The following TMC2 variants were observed in gnomAD, a reference collection of about 807,000 sequenced individuals.
TMC2 encodes the protein transmembrane channel like 2.
Under a neutral mutation model 105.9 loss-of-function variants are expected in TMC2, and 102 were observed. The observed-to-expected ratio is 0.96, with a 90% confidence interval of 0.82 to 1.14. The LOEUF is 1.14. Among genes scored for constraint, TMC2 ranks in the 50% most tolerant of loss-of-function variants. The pLI, the probability that TMC2 is intolerant of heterozygous loss-of-function variation, is 0.00. For missense variants in TMC2, 1,093 were observed against 1,134.3 expected, an observed-to-expected ratio of 0.96 and a Z score of 0.52; for synonymous variants, 402 against 422.8, an observed-to-expected ratio of 0.95 and a Z score of 0.60.
intron 5 of TMC2, among the ~76,000 whole-genome samples, chr20:2,576,879 T>G (rs535091851): frequency 1.3e-4 from 20 of 151,018 alleles, no homozygotes; most frequent in Admixed American, 1.3e-3. Flanking sequence ...AGAGTATTTT[T>G]GGGTTTGGGG....
intron 18 of TMC2, among the ~76,000 whole-genome samples, chr20:2,636,468 A>ACACG (rs2086644511): frequency 6.7e-6 from 1 of 148,258 alleles, no homozygotes; most frequent in African/African-American, 2.6e-5. Flanking sequence ...CTACACACAC[A>ACACG]CACACACACA....
At position 2,572,851 on chromosome 20, in the gene TMC2, C is replaced by T. The variant is rs73583388; in HGVS notation, c.645+582C>T. ...TTTCAGGGCTTTTATTCTGAACAAT[C>T]ATTTGATGTCATTACCTCAATGACA... On this transcript the variant is annotated intron_variant, in intron 5 of 19. Transcript: ENST00000358864. Among the ~76,000 whole-genome samples the T allele has an allele frequency of 4.4e-3, 663 of 152,212 alleles. 7 individuals are homozygous for T. The highest frequency in any genetic ancestry group is 0.015 in the African/African-American group (628 of 41,548).
In TMC2 at chr20:2,558,518, A is replaced by G; in HGVS notation, c.145A>G (p.Arg49Gly). The G allele has an allele frequency of 6.4e-7, 1 of 1,556,662 alleles. No homozygotes were observed. The highest frequency in any genetic ancestry group is 8.7e-7 in the Non-Finnish European group (1 of 1,150,228). The change falls in exon 3 of 20, where the codon AGG (arginine) becomes GGG (glycine). Residue 49 changes from arginine (R) to glycine (G), a missense_variant. Transcript: ENST00000358864. The surrounding 1 kb of genome is among the most constrained non-coding windows in gnomAD (Gnocchi z 4.6). ...RALKAEGTPGRRGAQRSQKER... is the reference protein window; with the variant it reads ...RALKAEGTPGGRGAQRSQKER... The stretch of plus-strand genomic sequence containing the variant: ...TCTCAAAGCCGAGGGGACCCCAGGC[A>G]GGCGCGGAGCTCAGCGAAGCCAGAA...
intron 10 of TMC2, among the ~76,000 whole-genome samples, chr20:2,600,815 C>G (rs2086345568): frequency 6.7e-6 from 1 of 148,924 alleles, no homozygotes; most frequent in African/African-American, 2.5e-5. Flanking sequence ...CAGAGCAAGA[C>G]TCGGTCTCAA....
chr20:2,597,353 T>C, intron 10 of TMC2, 55 bp downstream of exon 10: 1 of 1,539,396 alleles, frequency 6.5e-7, no homozygotes, highest in South Asian at 1.2e-5. Flanking sequence ...CCTCTGGTCA[T>C]TGAGAGACTT....
chr20:2,638,356 C>CAAAA (rs58078004), intron 19 of TMC2, among the ~76,000 whole-genome samples: 203 of 142,576 alleles, frequency 1.4e-3, no homozygotes, highest in Admixed American at 2.1e-3. Flanking sequence ...GACTCCATCT[C>CAAAA]AAAAAAAAAA....
chr20:2,596,651 G>T (rs2086308954), intron 9 of TMC2, among the ~76,000 whole-genome samples: 1 of 142,196 alleles, frequency 7.0e-6, no homozygotes, highest in Non-Finnish European at 1.6e-5. Flanking sequence ...AAAAAAAAAA[G>T]TAGCACAACA....
Position 2,641,285 on chromosome 20 carries a change from C to A in TMC2, c.2655C>A (p.His885Gln). 2 of 1,614,130 alleles carry A rather than the reference C, an allele frequency of 1.2e-6. No homozygotes were observed. Among genetic ancestry groups the A allele is most frequent in the South Asian group, 2.2e-5 (2 of 91,086 alleles). Reference sequence around the variant, plus strand: ...CTGGAATCGGACCAGATTCTGGCCACGCCCCATCTCAGACTCATCCGTGGA... The same window carrying A: ...CTGGAATCGGACCAGATTCTGGCCAAGCCCCATCTCAGACTCATCCGTGGA... ...RPPGIGPDSGHAPSQTHPWRS... is the reference protein window; with the variant it reads ...RPPGIGPDSGQAPSQTHPWRS... The change falls in exon 20 of 20, where the codon CAC becomes CAA. Residue 885 changes from histidine (H) to glutamine (Q), a missense_variant. Transcript: ENST00000358864.
chr20:2,553,059 A>T (rs374810500), intron 2 of TMC2, among the ~76,000 whole-genome samples: 12 of 151,232 alleles, frequency 7.9e-5, no homozygotes, highest in South Asian at 6.2e-4. Context: ...AGACAGTTTT[A>T]TTTTTTTGTT....
chr20:2,583,153 T>G (rs974650204), intron 7 of TMC2, among the ~76,000 whole-genome samples: 1 of 152,218 alleles, frequency 6.6e-6, no homozygotes, highest in Non-Finnish European at 1.5e-5. Context: ...CAGATTTCTA[T>G]GATAACCTCC....
rs59064634 is a variant in TMC2, at chr20:2,537,998, G to A, written c.82+682G>A. 7.2e-4 allele frequency among the ~76,000 whole-genome samples: 109 copies of A among 152,218 alleles called. 1 individual carries two copies. Among genetic ancestry groups the A allele is most frequent in the African/African-American group, 2.4e-3 (101 of 41,516 alleles). On this transcript the variant is annotated intron_variant, in intron 2 of 19. Coordinates refer to ENST00000358864, the MANE Select transcript of TMC2 (RefSeq NM_080751.3). ...AGTAGGCAAGAAACCAGAATCTTGG[G>A]GAGTGATGGGGTTCTGGGGGGTTGG...
chr20:2,602,075 G>T (rs539766141), intron 10 of TMC2, 38 bp from the exon 11 acceptor site: 3 of 1,500,622 alleles, frequency 2.0e-6, no homozygotes, highest in East Asian at 4.7e-5. Context: ...GGCATTTCTG[G>T]CCTGACATTT....
chr20:2,555,448 G>A (rs1268524044), intron 2 of TMC2, among the ~76,000 whole-genome samples: 1 of 151,918 alleles, frequency 6.6e-6, no homozygotes, highest in East Asian at 1.9e-4. Context: ...TAATACAATT[G>A]CTCAAGCTTT....
At chr20:2,620,791 A>C (rs930992028) in intron 16 of TMC2, among the ~76,000 whole-genome samples, 7 of 152,186 alleles carry the variant, frequency 4.6e-5, no homozygotes, top group Non-Finnish European at 8.8e-5. Flanking sequence ...AGCTATGGGC[A>C]CAGTAGGGCA....
chr20:2,566,055 CA>C (rs1288718848), intron 4 of TMC2, among the ~76,000 whole-genome samples: 3 of 152,026 alleles, frequency 2.0e-5, no homozygotes, highest in African/African-American at 7.2e-5. Flanking sequence ...CATATGAAAA[CA>C]AAAGGCTGGC....
Position 2,594,629 on chromosome 20 carries a change from A to G in TMC2, c.934-196A>G, listed in dbSNP as rs186219298. Among the ~76,000 whole-genome samples, 162 of 152,284 alleles carry G rather than the reference A, an allele frequency of 1.1e-3. 3 individuals are homozygous for G. Among genetic ancestry groups the G allele is most frequent in the African/African-American group, 3.8e-3 (157 of 41,552 alleles). The stretch of plus-strand genomic sequence containing the variant: ...AGGAAATAGAGGGAATGAAGGAGAG[A>G]AAGAAGGGGAGATATGGAGGGGCTC... On this transcript the variant is annotated intron_variant, in intron 8 of 19. Transcript: ENST00000358864.
chr20:2,572,695 G>A (rs1309105139), intron 5 of TMC2, among the ~76,000 whole-genome samples: 1 of 152,014 alleles, frequency 6.6e-6, no homozygotes, highest in Admixed American at 6.6e-5. Flanking sequence ...ATCATAACCT[G>A]GGCATCTGAT....
chr20:2,641,539 C>T lies in TMC2; in HGVS notation c.*188C>T. 1.7e-6 allele frequency: 1 copy of T among 583,010 alleles called. No individual in the cohort carries two copies. Among genetic ancestry groups the T allele is most frequent in the East Asian group, 2.8e-5 (1 of 35,536 alleles). The allele number at this position is 583,010 out of a possible 1,614,324, so 36.1% of individuals were successfully genotyped here. A position where few individuals can be genotyped will look rare whatever the true frequency, so the allele number is the denominator to read the frequency against. On this transcript the variant is annotated 3_prime_UTR_variant, in exon 20 of 20. Coordinates refer to ENST00000358864, the MANE Select transcript of TMC2 (RefSeq NM_080751.3). The stretch of plus-strand genomic sequence containing the variant: ...CCGAAGGAGGAAGACAGTGGCTTCA[C>T]CTGTCCTTTAGGGAAGCTGGAGCCA...
intron 1 of TMC2, 50 bp from the exon 2 acceptor site, chr20:2,537,219 G>A (rs1359895681): frequency 6.5e-7 from 1 of 1,549,640 alleles, no homozygotes; most frequent in East Asian, 2.3e-5. Context: ...TCTGCAGGGA[G>A]GGGGACTCAC....
Sources: allele counts gnomAD v4.1 joint callset (sites outside exome capture counted in the v4.1 genomes callset), GRCh38; gene constraint gnomAD v4.1.1; non-coding constraint Gnocchi (gnomAD v3.1); transcripts MANE v1.5; gene names NCBI Gene and HGNC (gene_info 2026-07-23, HGNC 2026-07-21).